TTC28: variants seen among roughly 807,000 people sequenced by gnomAD.
TTC28 encodes tetratricopeptide repeat protein 28.
In TTC28, 61 loss-of-function variants were observed where a neutral mutation model predicts 198.0. The ratio of observed to expected loss-of-function variants is 0.31; its 90% CI spans 0.25 to 0.38. The LOEUF is 0.38. Ranked by LOEUF, TTC28 falls within the 10% of genes least tolerant of loss-of-function variation. TTC28 has a pLI of 1.00. For missense variants in TTC28, 2,678 were observed against 3,164.0 expected, an observed-to-expected ratio of 0.85 and a Z score of 3.69; for synonymous variants, 1,171 against 1,297.8, an observed-to-expected ratio of 0.90 and a Z score of 2.10.
At chr22:28,370,719 G>C (rs1198774713) in intron 2 of TTC28, among the ~76,000 whole-genome samples, 1 of 152,196 alleles carries the variant, frequency 6.6e-6, no homozygotes, top group African/African-American at 2.4e-5. Context: ...AGTAGAGAGA[G>C]AGACAGATGG....
intron 2 of TTC28, among the ~76,000 whole-genome samples, chr22:28,576,305 T>TA (rs1333691833): frequency 6.6e-6 from 1 of 152,168 alleles, no homozygotes; most frequent in Non-Finnish European, 1.5e-5. Flanking sequence ...TTGCATATGT[T>TA]AAACCATTCT....
At chr22:28,442,820 A>C (rs946626497) in intron 2 of TTC28, 1 of 152,384 alleles carries the variant, frequency 6.6e-6, no homozygotes, top group Non-Finnish European at 1.5e-5. Flanking sequence ...CCTGAAGGTA[A>C]CCGCCCCGTG....
chr22:28,663,135 C>T, intron 1 of TTC28, among the ~76,000 whole-genome samples: 1 of 151,510 alleles, frequency 6.6e-6, no homozygotes. Flanking sequence ...GTAGTCCCAG[C>T]TACTCGGAAG....
intron 12 of TTC28, among the ~76,000 whole-genome samples, chr22:28,066,058 G>T (rs922772621): frequency 6.6e-6 from 1 of 152,134 alleles, no homozygotes; most frequent in Non-Finnish European, 1.5e-5. Flanking sequence ...CTTGCTTAAA[G>T]GCAGATACTC....
At chr22:28,062,368 A>G (rs560697138) in intron 12 of TTC28, among the ~76,000 whole-genome samples, 117 of 138,986 alleles carry the variant, frequency 8.4e-4, no homozygotes, top group African/African-American at 3.0e-3. Context: ...GTGGTCTACT[A>G]TCTTATTATT....
rs141445788 is a variant in TTC28 at position 28,254,953 on chromosome 22, C to T, written c.933+41245G>A. Among the ~76,000 whole-genome samples the T allele has an allele frequency of 1.8e-3, 272 of 152,274 alleles. 1 individual carries two copies. Among genetic ancestry groups the T allele is most frequent in the South Asian group, 0.011 (54 of 4,820 alleles). On this transcript the variant is annotated intron_variant, in intron 5 of 22. Coordinates refer to ENST00000397906, the MANE Select transcript of TTC28 (RefSeq NM_001145418.2). ...GCCTTCTGTATAGGAACACTGTATCCAGTGATAAATTAAAACCCCAGACCT... is the reference window on the plus strand; with the variant it reads ...GCCTTCTGTATAGGAACACTGTATCTAGTGATAAATTAAAACCCCAGACCT...
intron 2 of TTC28, among the ~76,000 whole-genome samples, chr22:28,561,057 T>C: frequency 8.8e-6 from 1 of 114,230 alleles, no homozygotes; most frequent in Non-Finnish European, 1.8e-5. Context: ...ATGCCTGGCC[T>C]CTCTCCTTCA....
At chr22:28,323,309 G>A (rs1451337590) in intron 2 of TTC28, among the ~76,000 whole-genome samples, 1 of 152,200 alleles carries the variant, frequency 6.6e-6, no homozygotes, top group African/African-American at 2.4e-5. Flanking sequence ...ACAGGGATAT[G>A]TGACCTTTCA....
intron 2 of TTC28, among the ~76,000 whole-genome samples, chr22:28,482,777 CTA>C (rs1444617543): frequency 6.6e-6 from 1 of 152,128 alleles, no homozygotes. Flanking sequence ...CATTATGTCT[CTA>C]TGGATTTATC....
intron 2 of TTC28, among the ~76,000 whole-genome samples, chr22:28,539,508 C>T (rs1415680872): frequency 6.6e-6 from 1 of 151,920 alleles, no homozygotes; most frequent in Non-Finnish European, 1.5e-5. Context: ...TTGTGGCATG[C>T]ACCTGTACCC....
At chr22:28,011,529 G>A (rs761569430) in intron 14 of TTC28, among the ~76,000 whole-genome samples, 2 of 152,160 alleles carry the variant, frequency 1.3e-5, no homozygotes, top group Non-Finnish European at 2.9e-5. Flanking sequence ...CTGGGAGGTC[G>A]AGGCTGCAGT....
At chr22:28,196,064 G>A (rs1005987782) in intron 5 of TTC28, among the ~76,000 whole-genome samples, 1 of 151,942 alleles carries the variant, frequency 6.6e-6, no homozygotes, top group East Asian at 1.9e-4. Flanking sequence ...AACCAAAACA[G>A]CATGGTACTG....
intron 1 of TTC28, among the ~76,000 whole-genome samples, chr22:28,672,211 T>C (rs1381292619): frequency 6.6e-6 from 1 of 151,762 alleles, no homozygotes; most frequent in Non-Finnish European, 1.5e-5. Flanking sequence ...GGAGTCTTAC[T>C]CTCTCGCCCA....
chr22:28,196,695 T>C (rs948699652), intron 5 of TTC28, among the ~76,000 whole-genome samples: 2 of 152,150 alleles, frequency 1.3e-5, no homozygotes, highest in African/African-American at 4.8e-5. Context: ...AAAATGCTCA[T>C]CATCATTGGC....
At chr22:28,087,332 C>T (rs1941644872) in intron 12 of TTC28, among the ~76,000 whole-genome samples, 1 of 152,146 alleles carries the variant, frequency 6.6e-6, no homozygotes, top group South Asian at 2.1e-4. Flanking sequence ...TGGGCTTCAT[C>T]CCTGGGATGC....
intron 2 of TTC28, among the ~76,000 whole-genome samples, chr22:28,603,993 CT>C (rs2050683857): frequency 6.6e-6 from 1 of 151,900 alleles, no homozygotes; most frequent in South Asian, 2.1e-4. Context: ...AAAACTGTTT[CT>C]TGGCCGGGTG....
At chr22:28,399,324 T>TG (rs2046866801) in intron 2 of TTC28, among the ~76,000 whole-genome samples, 1 of 150,642 alleles carries the variant, frequency 6.6e-6, no homozygotes, top group African/African-American at 2.4e-5. Flanking sequence ...ACTGTTTTTT[T>TG]TTTTTTTTTT....
intron 2 of TTC28, among the ~76,000 whole-genome samples, chr22:28,343,666 ATACTT>A (rs1057152037): frequency 3.3e-5 from 5 of 152,216 alleles, no homozygotes; most frequent in Non-Finnish European, 5.9e-5. Context: ...GGAGATGAAT[ATACTT>A]TAATTTGTAA....
chr22:27,990,855 G>A, intron 19 of TTC28, 43 bp from the exon 20 acceptor site: 1 of 1,536,378 alleles, frequency 6.5e-7, no homozygotes, highest in African/African-American at 1.4e-5. Context: ...AAGAGAGAAA[G>A]AAGAGAGTTT....
Sources: allele counts gnomAD v4.1 joint callset (sites outside exome capture counted in the v4.1 genomes callset), GRCh38; gene constraint gnomAD v4.1.1; transcripts MANE v1.5; gene names NCBI Gene and HGNC (gene_info 2026-07-23, HGNC 2026-07-21).